Variants in DPYSL5 observed in about 807,000 individuals in gnomAD.
The protein encoded by DPYSL5 is dihydropyrimidinase-related protein 5.
In DPYSL5, 9 loss-of-function variants were observed where a neutral mutation model predicts 58.4. The observed-to-expected ratio is 0.15, with a 90% confidence interval of 0.09 to 0.27. DPYSL5 has a LOEUF of 0.27. Ranked by LOEUF, DPYSL5 falls within the 10% of genes least tolerant of loss-of-function variation. The probability of loss-of-function intolerance (pLI) is 1.00; values close to 1 mark genes in which losing one functional copy is unlikely to be tolerated. For missense variants in DPYSL5, 499 were observed against 770.6 expected (o/e 0.65, Z 4.17); for synonymous variants, 293 against 301.9 (o/e 0.97, Z 0.31).
intron 1 of DPYSL5, among the ~76,000 whole-genome samples, chr2:26,878,672 C>A (rs1161658078): frequency 6.6e-6 from 1 of 152,102 alleles, no homozygotes; most frequent in African/African-American, 2.4e-5. Context: ...CTTTGCTTGC[C>A]ATGCTAGCCA....
At chr2:26,854,269 G>T (rs1257084294) in intron 1 of DPYSL5, among the ~76,000 whole-genome samples, 1 of 152,060 alleles carries the variant, frequency 6.6e-6, no homozygotes, top group Non-Finnish European at 1.5e-5. Flanking sequence ...GACCAGCCTG[G>T]TCAATATGGC....
chr2:26,912,160 T>C (rs1664455506), intron 2 of DPYSL5, among the ~76,000 whole-genome samples: 1 of 152,208 alleles, frequency 6.6e-6, no homozygotes. Context: ...ATTTTGATCT[T>C]TGAAGGCCCC....
chr2:26,941,125 C>T (rs1206801245), intron 9 of DPYSL5, among the ~76,000 whole-genome samples: 4 of 151,706 alleles, frequency 2.6e-5, no homozygotes, highest in South Asian at 2.1e-4. Context: ...TTTATAGAGG[C>T]GGGTTTTCAC....
Position 26,933,390 on chromosome 2 carries a change from T to C in DPYSL5, c.790+57T>C. The stretch of plus-strand genomic sequence containing the variant: ...GTCAAGTGGAGGGACTGGAGATGGA[T>C]GGGGCCCATTAGCCGTGCTCACTCC... On this transcript the variant is annotated intron_variant, in intron 7 of 12. Coordinates refer to ENST00000288699, the MANE Select transcript of DPYSL5 (RefSeq NM_020134.4). The surrounding 1 kb of genome is among the most constrained non-coding windows in gnomAD (Gnocchi z 4.2). 6.5e-7 allele frequency: 1 copy of C among 1,533,630 alleles called. No individual in the cohort carries two copies. Among genetic ancestry groups the C allele is most frequent in the South Asian group, 1.1e-5 (1 of 89,340 alleles).
chr2:26,860,817 TATGTA>T (rs2148109722), intron 1 of DPYSL5, among the ~76,000 whole-genome samples: 1 of 152,314 alleles, frequency 6.6e-6, no homozygotes, highest in South Asian at 2.1e-4. Flanking sequence ...TGTAATACAT[TATGTA>T]ATGTGAAATA....
chr2:26,939,887 AG>A, intron 8 of DPYSL5, 143 bp from the exon 9 acceptor site: 3 of 1,067,176 alleles, frequency 2.8e-6, no homozygotes, highest in Non-Finnish European at 4.2e-6. Context: ...AACTCACGAC[AG>A]ACCACATGGC....
chr2:26,923,371 CAT>C (rs1050557571), intron 2 of DPYSL5, among the ~76,000 whole-genome samples: 4 of 152,200 alleles, frequency 2.6e-5, no homozygotes, highest in Non-Finnish European at 5.9e-5. Context: ...ACTAAACACA[CAT>C]GTTAGGACAA....
chr2:26,934,848 T>C lies in DPYSL5; in HGVS notation c.947+114T>C. 5.0e-6 allele frequency: 7 copies of C among 1,413,834 alleles called. No homozygotes were observed. Among genetic ancestry groups the C allele is most frequent in the Non-Finnish European group, 6.8e-6 (7 of 1,033,906 alleles). The allele number at this position is 1,413,834 out of a possible 1,614,324, so 87.6% of individuals were successfully genotyped here. A position where few individuals can be genotyped will look rare whatever the true frequency, so the allele number is the denominator to read the frequency against. On this transcript the variant is annotated intron_variant, in intron 8 of 12. Coordinates refer to ENST00000288699, the MANE Select transcript of DPYSL5 (RefSeq NM_020134.4). The surrounding 1 kb of genome is among the most constrained non-coding windows in gnomAD (Gnocchi z 4.3). ...TGATTTCATTGTGCCCATAGGATCA[T>C]TGTGCTTTTCTTACCTTCTCTGAGC...
chr2:26,873,277 C>A (rs537519072), intron 1 of DPYSL5, among the ~76,000 whole-genome samples: 1 of 152,242 alleles, frequency 6.6e-6, no homozygotes, highest in Non-Finnish European at 1.5e-5. Context: ...CTACCACAAT[C>A]AAGATATGGA....
chr2:26,916,306 T>C (rs1664562392), intron 2 of DPYSL5, among the ~76,000 whole-genome samples: 1 of 152,144 alleles, frequency 6.6e-6, no homozygotes, highest in Admixed American at 6.5e-5. Context: ...GTGTTCATGT[T>C]CTTCCTCTGC....
At chr2:26,871,864 A>G (rs1663269678) in intron 1 of DPYSL5, among the ~76,000 whole-genome samples, 1 of 152,262 alleles carries the variant, frequency 6.6e-6, no homozygotes, top group African/African-American at 2.4e-5. Flanking sequence ...CATCGTAAAT[A>G]GAAACATTTG....
At chr2:26,928,704 T>TATACACAC in intron 5 of DPYSL5, among the ~76,000 whole-genome samples, 6 of 62,962 alleles carry the variant, frequency 9.5e-5, no homozygotes, top group African/African-American at 2.5e-4. Flanking sequence ...TATATATATA[T>TATACACAC]ACACACACAC....
intron 8 of DPYSL5, among the ~76,000 whole-genome samples, chr2:26,936,058 T>C (rs1348700728): frequency 6.6e-6 from 1 of 152,208 alleles, no homozygotes; most frequent in Non-Finnish European, 1.5e-5. Flanking sequence ...CTCAGCTCTG[T>C]TCTCCACAAG....
intron 9 of DPYSL5, among the ~76,000 whole-genome samples, chr2:26,941,727 C>T (rs1390614456): frequency 6.6e-6 from 1 of 152,210 alleles, no homozygotes; most frequent in Non-Finnish European, 1.5e-5. Context: ...GAACCACGGC[C>T]ACTCACCATA....
intron 1 of DPYSL5, among the ~76,000 whole-genome samples, chr2:26,878,801 C>T (rs1663478886): frequency 6.6e-6 from 1 of 152,258 alleles, no homozygotes; most frequent in Non-Finnish European, 1.5e-5. Flanking sequence ...ACCAGCCATC[C>T]TGAGTGCACC....
intron 9 of DPYSL5, among the ~76,000 whole-genome samples, chr2:26,940,576 C>T (rs925244727): frequency 6.6e-6 from 1 of 150,772 alleles, no homozygotes; most frequent in African/African-American, 2.4e-5. Context: ...TATCCTTCCA[C>T]CTCTGCCTCC....
At chr2:26,910,415 T>C (rs1271345417) in intron 2 of DPYSL5, among the ~76,000 whole-genome samples, 2 of 152,174 alleles carry the variant, frequency 1.3e-5, no homozygotes, top group African/African-American at 4.8e-5. Flanking sequence ...GCCGTTCTAA[T>C]AGGTGTGTAG....
chr2:26,880,676 C>T (rs1043766387), intron 1 of DPYSL5, among the ~76,000 whole-genome samples: 2 of 152,216 alleles, frequency 1.3e-5, no homozygotes, highest in Non-Finnish European at 2.9e-5. Context: ...TCCTCTCCCC[C>T]AGCCCTTGAC....
intron 1 of DPYSL5, among the ~76,000 whole-genome samples, chr2:26,868,528 G>C (rs1663172664): frequency 6.6e-6 from 1 of 152,094 alleles, no homozygotes; most frequent in Non-Finnish European, 1.5e-5. Flanking sequence ...GTAAGGTAGG[G>C]AGCCAATTTA....
Sources: gnomAD v4.1 joint callset for allele counts (sites outside exome capture counted in the v4.1 genomes callset) on GRCh38, gnomAD v4.1.1 for gene constraint, Gnocchi (gnomAD v3.1) non-coding constraint, MANE v1.5 for transcripts, NCBI Gene and HGNC (gene_info 2026-07-23, HGNC 2026-07-21) for gene names.